The following RAB39A variants were observed in gnomAD, a reference collection of about 807,000 sequenced individuals.
The protein encoded by RAB39A is ras-related protein Rab-39A.
A neutral mutation model predicts 20.9 loss-of-function variants in RAB39A; 17 were observed. The observed-to-expected ratio is 0.81, with a 90% confidence interval of 0.56 to 1.22. RAB39A has a LOEUF of 1.22. Ranked by LOEUF, RAB39A falls within the 50% of genes most tolerant of loss-of-function variation. The pLI is 0.00. For missense variants in RAB39A, 234 were observed against 270.5 expected, an observed-to-expected ratio of 0.87 and a Z score of 0.95; for synonymous variants, 99 against 103.4, an observed-to-expected ratio of 0.96 and a Z score of 0.26.
Position 107,944,163 on chromosome 11 carries a change from A to T in RAB39A, c.227+15368A>T, listed in dbSNP as rs75825115. Among the ~76,000 whole-genome samples the T allele has an allele frequency of 9.7e-3, 1,471 of 152,174 alleles. 24 individuals carry two copies. The highest frequency in any genetic ancestry group is 0.034 in the African/African-American group (1,394 of 41,508). ...CTGGATAATCAGGGGGCTCTGCCTC[A>T]ACATCAGTTTCTAGGGTTCTCTAGT... On this transcript the variant is annotated intron_variant, in intron 1 of 1. Coordinates refer to ENST00000320578, the MANE Select transcript of RAB39A (RefSeq NM_017516.3).
In RAB39A at chr11:107,928,596, C is replaced by T; in HGVS notation, c.28C>T (p.Arg10Cys). 1 of 1,582,912 alleles carries T rather than the reference C, an allele frequency of 6.3e-7. No homozygotes were observed. The highest frequency in any genetic ancestry group is 1.1e-5 in the South Asian group (1 of 88,082). The change falls in exon 1 of 2, where the codon CGC (arginine) becomes TGC (cysteine). Residue 10 changes from arginine to cysteine, a missense_variant. Coordinates refer to ENST00000320578, the MANE Select transcript of RAB39A (RefSeq NM_017516.3). The surrounding 1 kb of genome is among the most constrained non-coding windows in gnomAD (Gnocchi z 4.9). ...GGAGACCATCTGGATCTACCAGTTC[C>T]GCCTCATCGTGATCGGGGACTCCAC... is the stretch of plus-strand genomic sequence containing the variant. The part of the protein sequence containing the change: METIWIYQF[R>C]LIVIGDSTVG...
intron 1 of RAB39A, among the ~76,000 whole-genome samples, chr11:107,941,464 T>A (rs1481413180): frequency 6.6e-6 from 1 of 152,136 alleles, no homozygotes; most frequent in East Asian, 1.9e-4. Context: ...TTTCCTCAAC[T>A]CTCCCTTTTT....
chr11:107,939,596 C>G (rs993685846), intron 1 of RAB39A, among the ~76,000 whole-genome samples: 1 of 148,986 alleles, frequency 6.7e-6, no homozygotes, highest in Non-Finnish European at 1.5e-5. Flanking sequence ...GGCAATAGAG[C>G]CAGACTCCAT....
chr11:107,943,144 A>T (rs564410219), intron 1 of RAB39A, among the ~76,000 whole-genome samples: 76 of 152,316 alleles, frequency 5.0e-4, no homozygotes, highest in Non-Finnish European at 9.3e-4. Context: ...GCCTTGTTAG[A>T]TAAGAAGAAG....
At position 107,928,879 on chromosome 11, in the gene RAB39A, C is replaced by T. The variant is rs564957897; in HGVS notation, c.227+84C>T. ...TTCCCCAGGCGTCCGCCCCGCCGGC[C>T]CTGGTCGGGAGAGGCTCTGGCCCTT... On this transcript the variant is annotated intron_variant, in intron 1 of 1. Coordinates refer to ENST00000320578, the MANE Select transcript of RAB39A (RefSeq NM_017516.3). The surrounding 1 kb of genome is among the most constrained non-coding windows in gnomAD (Gnocchi z 4.9). 1.0e-5 allele frequency: 12 copies of T among 1,196,534 alleles called. No individual in the cohort carries two copies. Among genetic ancestry groups the T allele is most frequent in the East Asian group, 5.4e-5 (2 of 37,200 alleles). The allele number at this position is 1,196,534 out of a possible 1,614,324, so 74.1% of individuals were successfully genotyped here. A position where few individuals can be genotyped will look rare whatever the true frequency, so the allele number is the denominator to read the frequency against.
chr11:107,955,650 C>G (rs1303791469), intron 1 of RAB39A, among the ~76,000 whole-genome samples: 1 of 152,114 alleles, frequency 6.6e-6, no homozygotes, highest in Admixed American at 6.6e-5. Flanking sequence ...ACCAGCCTGA[C>G]CAACATGGAG....
chr11:107,956,181 T>G (rs1230273163), intron 1 of RAB39A, among the ~76,000 whole-genome samples: 1 of 152,220 alleles, frequency 6.6e-6, no homozygotes, highest in East Asian at 1.9e-4. Flanking sequence ...TTTTTTGCAC[T>G]GCTAGTATCT....
chr11:107,962,619 T>C lies in RAB39A; in HGVS notation c.*247T>C. The C allele has an allele frequency of 2.6e-6, 1 of 385,160 alleles. No homozygotes were observed. Among genetic ancestry groups the C allele is most frequent in the Non-Finnish European group, 4.6e-6 (1 of 215,108 alleles). The allele number at this position is 385,160 out of a possible 1,614,324, so 23.9% of individuals were successfully genotyped here. ...TGAAATTACCTCCATTCTTACTTTG[T>C]TAGCATACGCTGACCTTAGTGTCCA... On this transcript the variant is annotated 3_prime_UTR_variant, in exon 2 of 2. Coordinates refer to ENST00000320578, the MANE Select transcript of RAB39A (RefSeq NM_017516.3).
chr11:107,944,670 C>G lies in RAB39A; in HGVS notation c.227+15875C>G, dbSNP rs943833769. 2.0e-5 allele frequency among the ~76,000 whole-genome samples: 3 copies of G among 152,002 alleles called. No individual in the cohort carries two copies. The South Asian group carries it at 6.2e-4, about 32-fold the overall frequency. ...AACGTGCTGGGATTATAGCCGTGAG[C>G]CACCGCGCCAGGCCAGAAAGAAAAT... On this transcript the variant is annotated intron_variant, in intron 1 of 1. Transcript: ENST00000320578.
At chr11:107,949,240 G>C (rs1861349486) in intron 1 of RAB39A, among the ~76,000 whole-genome samples, 1 of 152,074 alleles carries the variant, frequency 6.6e-6, no homozygotes, top group Non-Finnish European at 1.5e-5. Flanking sequence ...GAACCTGGGA[G>C]GTGGAGGTTG....
rs112197410 is a variant in RAB39A, at chr11:107,937,539, A to ATT, written c.227+8757_227+8758dup. Reference sequence around the variant, plus strand: ...TGTTTGGAAGTATGGAATTATTACTATTTTTTTTTTTTTTGAGATGGAGTC... The same window carrying ATT: ...TGTTTGGAAGTATGGAATTATTACTATTTTTTTTTTTTTTTTGAGATGGAGTC... On this transcript the variant is annotated intron_variant, in intron 1 of 1. Coordinates refer to ENST00000320578, the MANE Select transcript of RAB39A (RefSeq NM_017516.3). 5.5e-3 allele frequency among the ~76,000 whole-genome samples: 781 copies of ATT among 142,828 alleles called. 7 individuals are homozygous for ATT. The highest frequency in any genetic ancestry group is 0.018 in the African/African-American group (689 of 38,964). 93.7% of individuals were successfully genotyped at this position (142,828 alleles called of 152,430 possible).
At position 107,960,507 on chromosome 11, in the gene RAB39A, G is replaced by A. The variant is rs138099943; in HGVS notation, c.228-1439G>A. Among the ~76,000 whole-genome samples the A allele has an allele frequency of 1.1e-4, 17 of 152,234 alleles. No individual in the cohort carries two copies. In the East Asian group the frequency reaches 1.9e-3, roughly 17 times the overall value. On this transcript the variant is annotated intron_variant, in intron 1 of 1. Coordinates refer to ENST00000320578, the MANE Select transcript of RAB39A (RefSeq NM_017516.3). ...CAAATAGATAAAACAACATGTGGAG[G>A]GGCAAGAAACGTAAAACAGTATAGC...
At chr11:107,941,199 A>T (rs532741858) in intron 1 of RAB39A, among the ~76,000 whole-genome samples, 27 of 152,334 alleles carry the variant, frequency 1.8e-4, no homozygotes, top group Non-Finnish European at 2.8e-4. Flanking sequence ...ATGCTGGGTC[A>T]TTGCAGGACT....
At chr11:107,935,876 ACG>A (rs1861189192) in intron 1 of RAB39A, among the ~76,000 whole-genome samples, 2 of 145,726 alleles carry the variant, frequency 1.4e-5, no homozygotes, top group African/African-American at 5.1e-5. Context: ...TTTCTGGGGA[ACG>A]CAGCCCAGCA....
chr11:107,931,851 C>T (rs183752738), intron 1 of RAB39A, among the ~76,000 whole-genome samples: 1 of 141,796 alleles, frequency 7.1e-6, no homozygotes, highest in Non-Finnish European at 1.5e-5. Flanking sequence ...CTTTCGTTTT[C>T]TTTCTTTCCT....
chr11:107,938,735 CAAA>C (rs544043987), intron 1 of RAB39A, among the ~76,000 whole-genome samples: 7 of 103,752 alleles, frequency 6.7e-5, no homozygotes, highest in Non-Finnish European at 4.0e-5. Flanking sequence ...GGCCCTATCT[CAAA>C]AAAAAAAAAA....
chr11:107,928,599 C>T lies in RAB39A; in HGVS notation c.31C>T (p.Leu11Phe), dbSNP rs1217115570. Residue 11 changes from leucine (L) to phenylalanine (F), a missense_variant, in exon 1 of 2, where the codon CTC becomes TTC. Transcript: ENST00000320578. This position sits in a 1 kb window ranked among gnomAD's most constrained non-coding sequence, Gnocchi z 4.9. ...GACCATCTGGATCTACCAGTTCCGC[C>T]TCATCGTGATCGGGGACTCCACCGT... METIWIYQFR[L>F]IVIGDSTVGK... The T allele has an allele frequency of 1.0e-5, 16 of 1,587,740 alleles. No homozygotes were observed. Among genetic ancestry groups the T allele is most frequent in the Non-Finnish European group, 1.3e-5 (15 of 1,161,088 alleles).
intron 1 of RAB39A, among the ~76,000 whole-genome samples, chr11:107,935,687 A>G (rs1861187535): frequency 6.6e-6 from 1 of 151,214 alleles, no homozygotes; most frequent in Non-Finnish European, 1.5e-5. Context: ...ATAAAGGATT[A>G]ATTTTCTTAA....
At chr11:107,955,616 A>T (rs1000651046) in intron 1 of RAB39A, among the ~76,000 whole-genome samples, 1 of 152,190 alleles carries the variant, frequency 6.6e-6, no homozygotes, top group Non-Finnish European at 1.5e-5. Flanking sequence ...AGGCAGGCGG[A>T]TCACCTGAGG....
Sources: gnomAD v4.1 joint callset for allele counts (sites outside exome capture counted in the v4.1 genomes callset) on GRCh38, gnomAD v4.1.1 for gene constraint, Gnocchi (gnomAD v3.1) non-coding constraint, MANE v1.5 for transcripts, NCBI Gene and HGNC (gene_info 2026-07-23, HGNC 2026-07-21) for gene names.